ITGA7: variants seen among roughly 807,000 people sequenced by gnomAD.
ITGA7 encodes the protein integrin alpha-7.
ITGA7 carries 84 observed loss-of-function variants against 131.6 expected under a neutral mutation model. The ratio of observed to expected loss-of-function variants is 0.64; its 90% confidence interval spans 0.54 to 0.77. The LOEUF is 0.77. ITGA7 is among the 30% of genes least tolerant of loss of function. The pLI, the probability that ITGA7 is intolerant of heterozygous loss-of-function variation, is 0.00. For missense variants in ITGA7, 1,399 were observed against 1,482.9 expected (o/e 0.94, Z 0.93); for synonymous variants, 548 against 600.7 (o/e 0.91, Z 1.28).
At chr12:55,701,319 C>T in intron 3 of ITGA7, 165 bp from the exon 4 acceptor site, 2 of 1,565,828 alleles carry the variant, frequency 1.3e-6, no homozygotes, top group Non-Finnish European at 8.7e-7. Context: ...CACTCAAGCA[C>T]CATTACCCTG....
intron 21 of ITGA7, among the ~76,000 whole-genome samples, chr12:55,692,534 G>A (rs530233020): frequency 1.3e-5 from 2 of 152,238 alleles, no homozygotes; most frequent in South Asian, 4.1e-4. Flanking sequence ...ACCTCAAAGT[G>A]TGAGGATGGG....
Position 55,692,836 on chromosome 12 carries a change from G to A in ITGA7, c.2844+8C>T. ...GCTCTGGCTGCACCGAGTCTGGCCT[G>A]CCCTCACCAGGGTGATGTTTTTCTT... On this transcript the variant is annotated splice_region_variant and intron_variant, in intron 21 of 24. Transcript: ENST00000257879. The A allele has an allele frequency of 6.2e-7, 1 of 1,605,244 alleles. No individual in the cohort carries two copies.
chr12:55,700,906 A>G lies in ITGA7; in HGVS notation c.663T>C (p.Asn221=), dbSNP rs779512299. ...YLLFGAPGTY[N]WKGLLFVTNI... ...TCCCGAGGAGTGACTCACCCTTCCA[A>G]TTATAGGTTCCTGGGGCCCCAAAGA... Residue 221 remains asparagine (N), a synonymous_variant, in exon 4 of 25, where the codon AAT becomes AAC. Transcript: ENST00000257879. 2.5e-6 allele frequency: 4 copies of G among 1,614,154 alleles called. No homozygotes were observed. The highest frequency in any genetic ancestry group is 2.2e-5 in the South Asian group (2 of 91,088).
chr12:55,703,573 A>G (rs1191842154), intron 1 of ITGA7, among the ~76,000 whole-genome samples: 1 of 151,894 alleles, frequency 6.6e-6, no homozygotes, highest in Non-Finnish European at 1.5e-5. Context: ...CTGCTCCCCA[A>G]CCCAGTCCAG....
At chr12:55,706,318 C>T (rs1043252562) in intron 1 of ITGA7, among the ~76,000 whole-genome samples, 1 of 152,044 alleles carries the variant, frequency 6.6e-6, no homozygotes, top group Non-Finnish European at 1.5e-5. Flanking sequence ...TGGGGACCAC[C>T]GACCCTGCTA....
At position 55,688,837 on chromosome 12, in the gene ITGA7, T is replaced by A. The variant is rs1399843853; in HGVS notation, c.2958+7A>T. ...AAACACAGACTAGAGCCGAGTGGTA[T>A]CCTCACCTCCAGAAAGGTGCTGTTC... is the stretch of plus-strand genomic sequence containing the variant. On this transcript the variant is annotated splice_region_variant and intron_variant, in intron 22 of 24. Transcript: ENST00000257879. 6.2e-7 allele frequency: 1 copy of A among 1,604,752 alleles called. No homozygotes were observed. Among genetic ancestry groups the A allele is most frequent in the South Asian group, 1.1e-5 (1 of 90,872 alleles).
Position 55,696,321 on chromosome 12 carries a change from T to C in ITGA7, c.1849A>G (p.Ile617Val). Residue 617 changes from isoleucine to valine, a missense_variant, in exon 13 of 25, where the codon ATC (isoleucine) becomes GTC (valine). Coordinates refer to ENST00000257879, the MANE Select transcript of ITGA7 (RefSeq NM_002206.3). ...PGQGLPPVAP[I>V]LNAHQPSTQR... is the part of the protein sequence containing the mutation. ...GTGCTGGGCTGGTGGGCATTGAGGA[T>C]GGGGGCCACTGGAGGCAGCCCCTGG... 2 of 1,581,862 alleles carry C rather than the reference T, an allele frequency of 1.3e-6. No homozygotes were observed. The highest frequency in any genetic ancestry group is 1.2e-5 in the South Asian group (1 of 86,794).
chr12:55,712,061 A>G (rs1592507998), upstream of ITGA7: 1 of 1,550,738 alleles, frequency 6.4e-7, no homozygotes, highest in South Asian at 1.2e-5. Flanking sequence ...TACTTCACTC[A>G]CCTCTCCAGC....
rs374209000 is a variant in ITGA7, at chr12:55,702,994, C to T, written c.335-43G>A. 4.3e-5 allele frequency: 69 copies of T among 1,613,140 alleles called. No individual in the cohort carries two copies. The African/African-American group carries it at 4.5e-4, about 11-fold the overall frequency. ...GGAATTAGGGGAGGGAAGAGGAGCC[C>T]AAGTCCTCTCCTCCCCGCTCACACG... On this transcript the variant is annotated intron_variant, in intron 2 of 24. Coordinates refer to ENST00000257879, the MANE Select transcript of ITGA7 (RefSeq NM_002206.3).
intron 10 of ITGA7, 81 bp from the exon 11 acceptor site, chr12:55,697,358 G>T: frequency 6.3e-7 from 1 of 1,581,350 alleles, no homozygotes; most frequent in Non-Finnish European, 8.6e-7. Context: ...GTCACATCCT[G>T]TCACAGCCCC....
At chr12:55,708,336 C>G (rs1202226428), upstream of ITGA7, among the ~76,000 whole-genome samples, 3 of 152,106 alleles carry the variant, frequency 2.0e-5, no homozygotes. Flanking sequence ...AGCGTGGCAT[C>G]TTAGTGCTCC....
intron 20 of ITGA7, 32 bp from the exon 21 acceptor site, chr12:55,693,007 C>T (rs1221607225): frequency 1.2e-6 from 2 of 1,613,840 alleles, no homozygotes; most frequent in East Asian, 2.2e-5. Context: ...TAGTGAGTGT[C>T]CCTCCAATCA....
At chr12:55,714,407 A>G (rs1592511153), upstream of ITGA7, among the ~76,000 whole-genome samples, 1 of 150,942 alleles carries the variant, frequency 6.6e-6, no homozygotes, top group South Asian at 2.1e-4. Context: ...AGTCCCAGCT[A>G]CTTGGGAGGC....
chr12:55,687,200 C>T (rs1198087139), intron 24 of ITGA7, among the ~76,000 whole-genome samples: 2 of 105,316 alleles, frequency 1.9e-5, no homozygotes, highest in East Asian at 6.2e-4. Flanking sequence ...TTTTTTGAGA[C>T]AGAGTCCTGC....
chr12:55,693,036 A>C, intron 20 of ITGA7, 61 bp from the exon 21 acceptor site: 1 of 1,613,194 alleles, frequency 6.2e-7, no homozygotes, highest in Non-Finnish European at 8.5e-7. Context: ...CTAAGATCGA[A>C]TCTCCTCCCC....
At chr12:55,698,993 C>T in intron 5 of ITGA7, 76 bp from the exon 6 acceptor site, 1 of 1,350,244 alleles carries the variant, frequency 7.4e-7, no homozygotes, top group Non-Finnish European at 1.0e-6. Flanking sequence ...CTCCCCCAGC[C>T]CCTGCCCCCT....
At position 55,698,753 on chromosome 12, in the gene ITGA7, C is replaced by CG; in HGVS notation, c.954dup (p.Gly319ArgfsTer10). On this transcript the variant is annotated frameshift_variant, in exon 6 of 25. Transcript: ENST00000257879. LOFTEE classifies it high-confidence loss of function. Reference sequence around the variant, plus strand: ...GCCACAGCCAGTGAGTAGCCAAAGCCGGAGGTCAGGCGCTCCCCAGACAGC... The same window carrying CG: ...GCCACAGCCAGTGAGTAGCCAAAGCCGGGAGGTCAGGCGCTCCCCAGACAGC... 1 of 1,614,150 alleles carries CG rather than the reference C, an allele frequency of 6.2e-7. No homozygotes were observed. Among genetic ancestry groups the CG allele is most frequent in the Non-Finnish European group, 8.5e-7 (1 of 1,180,026 alleles).
At chr12:55,714,280 AGGCG>A (rs1325308494), upstream of ITGA7, among the ~76,000 whole-genome samples, 2 of 152,132 alleles carry the variant, frequency 1.3e-5, no homozygotes, top group African/African-American at 4.8e-5. Flanking sequence ...TGGGAGGCCG[AGGCG>A]GGCGGATCAC....
rs79745402 is a variant in ITGA7, at chr12:55,694,128, C to T, written c.2433-5G>A. ...AGTTGCTGGGGAATGGCCATTCTGG[C>T]GTGGAGAGGTCAGAACAGGGGTGAG... On this transcript the variant is annotated splice_region_variant and splice_polypyrimidine_tract_variant and intron_variant, in intron 18 of 24. Coordinates refer to ENST00000257879, the MANE Select transcript of ITGA7 (RefSeq NM_002206.3). The surrounding 1 kb of genome is among the most constrained non-coding windows in gnomAD (Gnocchi z 5.3). 12,267 of 1,613,934 alleles carry T rather than the reference C, an allele frequency of 7.6e-3. 153 individuals carry two copies. Among genetic ancestry groups the T allele is most frequent in the African/African-American group, 0.059 (4,408 of 75,036 alleles).
Sources: allele counts gnomAD v4.1 joint callset (sites outside exome capture counted in the v4.1 genomes callset), GRCh38; gene constraint gnomAD v4.1.1; non-coding constraint Gnocchi (gnomAD v3.1); transcripts MANE v1.5; gene names NCBI Gene and HGNC (gene_info 2026-07-23, HGNC 2026-07-21).